The following MGAT5 variants were observed in gnomAD, a reference collection of about 807,000 sequenced individuals.
The protein encoded by MGAT5 is alpha-1,6-mannosylglycoprotein 6-beta-N-acetylglucosaminyltransferase A.
In MGAT5, 30 loss-of-function variants were observed where a neutral mutation model predicts 94.3. The observed-to-expected ratio is 0.32, with a 90% confidence interval of 0.24 to 0.43. The LOEUF (loss-of-function observed/expected upper bound fraction) is 0.43, where lower values mean the gene tolerates loss of function less well. MGAT5 is among the 20% of genes least tolerant of loss of function. The pLI, the probability that MGAT5 is intolerant of heterozygous loss-of-function variation, is 1.00. For synonymous variants in MGAT5, 310 were observed against 322.9 expected (o/e 0.96, Z 0.43); for missense variants, 691 against 905.5 (o/e 0.76, Z 3.04).
At chr2:134,336,989 G>T (rs914076612) in intron 5 of MGAT5, among the ~76,000 whole-genome samples, 1 of 152,144 alleles carries the variant, frequency 6.6e-6, no homozygotes, top group Non-Finnish European at 1.5e-5. Context: ...GGCCATATTG[G>T]TCTCATTGCA....
intron 1 of MGAT5, among the ~76,000 whole-genome samples, chr2:134,148,124 TG>T (rs147259145): frequency 0.012 from 1,824 of 152,350 alleles, 30 homozygotes; most frequent in African/African-American, 0.042. Flanking sequence ...TTGTAATCTT[TG>T]GTGTTTTATT....
chr2:134,213,536 G>A (rs976478820), intron 1 of MGAT5, among the ~76,000 whole-genome samples: 7 of 152,066 alleles, frequency 4.6e-5, no homozygotes, highest in African/African-American at 1.4e-4. Context: ...TACAAGTTTA[G>A]GGCTCAGTCC....
chr2:134,122,916 G>C (rs1685683439), intron 1 of MGAT5, among the ~76,000 whole-genome samples: 2 of 152,216 alleles, frequency 1.3e-5, no homozygotes, highest in Admixed American at 6.5e-5. Flanking sequence ...AGCAGCTCAT[G>C]GGCTTTTGGA....
chr2:134,142,512 G>A (rs1686704924), intron 1 of MGAT5, among the ~76,000 whole-genome samples: 1 of 152,190 alleles, frequency 6.6e-6, no homozygotes, highest in Non-Finnish European at 1.5e-5. Flanking sequence ...ATCCAGTGAG[G>A]TAAGTGTTAC....
chr2:134,314,779 C>A (rs767495810), intron 2 of MGAT5, among the ~76,000 whole-genome samples: 1 of 152,098 alleles, frequency 6.6e-6, no homozygotes, highest in Non-Finnish European at 1.5e-5. Context: ...GAGGAAGGCC[C>A]GCAGGGAGCC....
At chr2:134,192,014 C>T (rs1041706836) in intron 1 of MGAT5, among the ~76,000 whole-genome samples, 2 of 146,270 alleles carry the variant, frequency 1.4e-5, no homozygotes, top group African/African-American at 5.1e-5. Flanking sequence ...CTCCTCCTCG[C>T]GTGAGCGGGT....
intron 1 of MGAT5, among the ~76,000 whole-genome samples, chr2:134,127,363 T>G (rs1243675646): frequency 6.6e-6 from 1 of 152,144 alleles, no homozygotes; most frequent in Non-Finnish European, 1.5e-5. Context: ...AAGATGACAT[T>G]GTTATTGGGC....
chr2:134,213,289 A>G (rs1680294069), intron 1 of MGAT5, among the ~76,000 whole-genome samples: 2 of 152,216 alleles, frequency 1.3e-5, no homozygotes, highest in African/African-American at 4.8e-5. Context: ...TTGCAAACGT[A>G]TTAAACACAG....
intron 1 of MGAT5, among the ~76,000 whole-genome samples, chr2:134,222,753 C>CT (rs1680851651): frequency 6.6e-6 from 1 of 152,260 alleles, no homozygotes; most frequent in African/African-American, 2.4e-5. Context: ...CTTTAAGAGT[C>CT]AAAAGACTTA....
At chr2:134,251,870 AC>A (rs2105498155), upstream of MGAT5, among the ~76,000 whole-genome samples, 1 of 152,178 alleles carries the variant, frequency 6.6e-6, no homozygotes, top group African/African-American at 2.4e-5. Flanking sequence ...GTAACTTTTT[AC>A]CCATTGACCA....
At chr2:134,307,929 T>A (rs894220409) in intron 2 of MGAT5, among the ~76,000 whole-genome samples, 1 of 152,202 alleles carries the variant, frequency 6.6e-6, no homozygotes, top group Middle Eastern at 3.4e-3. Context: ...CTGGGGCCAC[T>A]CAAATAAGAA....
intron 4 of MGAT5, 108 bp from the exon 5 acceptor site, chr2:134,336,109 A>G (rs1394717448): frequency 1.6e-5 from 13 of 803,348 alleles, no homozygotes; most frequent in Admixed American, 5.3e-5. Context: ...AAAATAGCAC[A>G]TATTAATATA....
chr2:134,418,086 T>TC (rs1321650760), intron 12 of MGAT5, among the ~76,000 whole-genome samples: 1 of 151,476 alleles, frequency 6.6e-6, no homozygotes, highest in Non-Finnish European at 1.5e-5. Flanking sequence ...AGTATTTTTT[T>TC]CCCGGGAAAA....
chr2:134,438,046 T>C (rs1000961601), intron 14 of MGAT5, among the ~76,000 whole-genome samples: 6 of 150,556 alleles, frequency 4.0e-5, no homozygotes, highest in African/African-American at 1.5e-4. Flanking sequence ...ACAGGTTGAG[T>C]ATCCCTAATC....
At chr2:134,309,589 A>G (rs1408681297) in intron 2 of MGAT5, among the ~76,000 whole-genome samples, 1 of 152,138 alleles carries the variant, frequency 6.6e-6, no homozygotes, top group East Asian at 1.9e-4. Context: ...TACTTTTGTC[A>G]GTAGCAATTA....
chr2:134,311,450 T>C (rs980275787), intron 2 of MGAT5, among the ~76,000 whole-genome samples: 1 of 152,174 alleles, frequency 6.6e-6, no homozygotes, highest in Admixed American at 6.5e-5. Flanking sequence ...AAAGTGAGCC[T>C]TAATAAAGGC....
chr2:134,141,460 T>C (rs1686652690), intron 1 of MGAT5, among the ~76,000 whole-genome samples: 1 of 132,862 alleles, frequency 7.5e-6, no homozygotes, highest in Non-Finnish European at 1.5e-5. Flanking sequence ...AGATGGATAG[T>C]TGGATGGGTA....
chr2:134,122,977 T>C (rs1685685854), intron 1 of MGAT5, among the ~76,000 whole-genome samples: 1 of 152,244 alleles, frequency 6.6e-6, no homozygotes, highest in African/African-American at 2.4e-5. Context: ...AGTGTGAATA[T>C]AGTACTCATT....
In MGAT5 at chr2:134,350,091, T is replaced by TTTTTTG. The variant is rs10530206; in HGVS notation, c.1246+165_1246+170dup. Among the ~76,000 whole-genome samples the TTTTTTG allele has an allele frequency of 3.7e-4, 56 of 151,716 alleles. 1 individual carries two copies. In the East Asian group the frequency reaches 5.6e-3, roughly 15 times the overall value. ...TTTCCTTGGGAATTACTGAATTTGT[T>TTTTTTG]TTTTTGTTTTTGTTTTTTAGTTGAA... On this transcript the variant is annotated intron_variant, in intron 9 of 15. Coordinates refer to ENST00000281923, the MANE Select transcript of MGAT5 (RefSeq NM_002410.5).
Sources: gnomAD v4.1 joint callset for allele counts (sites outside exome capture counted in the v4.1 genomes callset) on GRCh38, gnomAD v4.1.1 for gene constraint, MANE v1.5 for transcripts, NCBI Gene and HGNC (gene_info 2026-07-23, HGNC 2026-07-21) for gene names.